KIAA0825: variants seen among roughly 807,000 people sequenced by gnomAD.
KIAA0825 encodes KIAA0825, also known as uncharacterized protein KIAA0825.
A neutral mutation model predicts 147.6 loss-of-function variants in KIAA0825; 119 were observed. The observed-to-expected ratio is 0.81, with a 90% CI of 0.69 to 0.94. KIAA0825 has a LOEUF of 0.94. KIAA0825 is among the 40% of genes least tolerant of loss of function. KIAA0825 has a pLI of 0.00. For synonymous variants in KIAA0825, 470 were observed against 518.1 expected (o/e 0.91, Z 1.26); for missense variants, 1,381 against 1,472.7 (o/e 0.94, Z 1.02).
chr5:94,520,909 C>G lies in KIAA0825; in HGVS notation c.309G>C (p.Leu103Phe), dbSNP rs1306336149. ...CTTCTTGATTTTGTTCATTCTTCAA[C>G]AAATCTTGCTAATGAAATTATAACA... ...LIKFFKTLQD[L>F]LKNEQNQEEM... The change falls in exon 5 of 21, where the codon TTG becomes TTC. Residue 103 changes from leucine to phenylalanine, a missense_variant. By Grantham distance (22) the Leu-to-Phe change is conservative. Transcript: ENST00000682413. 6.3e-7 allele frequency: 1 copy of G among 1,582,142 alleles called. No homozygotes were observed. Among genetic ancestry groups the G allele is most frequent in the Non-Finnish European group, 8.6e-7 (1 of 1,160,780 alleles).
chr5:94,496,504 G>A (rs373316810), intron 5 of KIAA0825, among the ~76,000 whole-genome samples: 3 of 152,202 alleles, frequency 2.0e-5, no homozygotes, highest in Admixed American at 6.5e-5. Flanking sequence ...GGCAGAAACT[G>A]GTTAAAAAGC....
chr5:94,560,168 G>C (rs1777296716), intron 2 of KIAA0825, among the ~76,000 whole-genome samples: 2 of 152,048 alleles, frequency 1.3e-5, no homozygotes, highest in Admixed American at 6.5e-5. Flanking sequence ...GCCATTCTCT[G>C]AGCTGTCATT....
chr5:94,589,462 G>T (rs1444055615), intron 1 of KIAA0825, among the ~76,000 whole-genome samples: 5 of 152,164 alleles, frequency 3.3e-5, no homozygotes, highest in Non-Finnish European at 5.9e-5. Flanking sequence ...AAGAGAGTTA[G>T]GAATTTGACA....
At chr5:94,355,576 A>T (rs1363305401) in intron 20 of KIAA0825, among the ~76,000 whole-genome samples, 1 of 152,180 alleles carries the variant, frequency 6.6e-6, no homozygotes, top group Non-Finnish European at 1.5e-5. Context: ...AGTCCTCAAA[A>T]ATATGATTTG....
intron 12 of KIAA0825, among the ~76,000 whole-genome samples, chr5:94,460,252 T>C: frequency 6.6e-6 from 1 of 152,132 alleles, no homozygotes; most frequent in Admixed American, 6.6e-5. Flanking sequence ...GAATATTTTC[T>C]GTTTCAGCAT....
At chr5:94,473,841 CTATT>C (rs1761517223) in intron 7 of KIAA0825, among the ~76,000 whole-genome samples, 1 of 152,106 alleles carries the variant, frequency 6.6e-6, no homozygotes, top group Non-Finnish European at 1.5e-5. Context: ...GCTACAGTTA[CTATT>C]TATCACATAA....
At chr5:94,271,510 G>A (rs1014503295) in intron 20 of KIAA0825, among the ~76,000 whole-genome samples, 6 of 152,172 alleles carry the variant, frequency 3.9e-5, no homozygotes, top group Non-Finnish European at 8.8e-5. Flanking sequence ...CACTTTGAGA[G>A]GCCAAGGTGG....
intron 20 of KIAA0825, among the ~76,000 whole-genome samples, chr5:94,245,842 C>T (rs1010996668): frequency 3.3e-5 from 5 of 151,996 alleles, no homozygotes; most frequent in African/African-American, 9.7e-5. Context: ...TTGGTGGGTG[C>T]GCGGCGAGGA....
At chr5:94,520,036 A>G (rs1767865681) in intron 5 of KIAA0825, 8 of 1,135,056 alleles carry the variant, frequency 7.0e-6, no homozygotes, top group Non-Finnish European at 8.9e-6. Context: ...TATATTTCCA[A>G]TATCTTTAAC....
intron 5 of KIAA0825, among the ~76,000 whole-genome samples, chr5:94,506,686 T>A (rs1302554966): frequency 1.3e-5 from 2 of 152,212 alleles, no homozygotes; most frequent in African/African-American, 4.8e-5. Flanking sequence ...AATATATATT[T>A]ACAAATGGGG....
chr5:94,499,589 G>GTT (rs953312486), intron 5 of KIAA0825, among the ~76,000 whole-genome samples: 1 of 145,750 alleles, frequency 6.9e-6, no homozygotes, highest in African/African-American at 2.6e-5. Flanking sequence ...CCAATCTGGG[G>GTT]GGGGGGGGGG....
Position 94,520,522 on chromosome 5 carries a change from G to A in KIAA0825, c.696C>T (p.Asn232=), listed in dbSNP as rs926599994. 8 of 1,612,788 alleles carry A rather than the reference G, an allele frequency of 5.0e-6. No individual in the cohort carries two copies. The highest frequency in any genetic ancestry group is 1.3e-5 in the African/African-American group (1 of 74,872). ...CTATTACATCTAAATTTGAATCTCT[G>A]TTGTAAGAAGGAAAGCAGTTCCACA... is the stretch of plus-strand genomic sequence containing the variant. ...NLLWNCFPSY[N]RDSNLDVIAH... The change falls in exon 5 of 21, where the codon AAC becomes AAT. Residue 232 remains asparagine (N), a synonymous_variant. Transcript: ENST00000682413.
chr5:94,310,611 G>C (rs1779075800), intron 20 of KIAA0825, among the ~76,000 whole-genome samples: 1 of 151,574 alleles, frequency 6.6e-6, no homozygotes, highest in Non-Finnish European at 1.5e-5. Context: ...AATAAATAAT[G>C]TGAACATAAA....
chr5:94,506,657 A>T (rs1000656891), intron 5 of KIAA0825, among the ~76,000 whole-genome samples: 2 of 152,230 alleles, frequency 1.3e-5, no homozygotes, highest in African/African-American at 4.8e-5. Context: ...AGACAAAACT[A>T]TTAAATATAC....
intron 11 of KIAA0825, among the ~76,000 whole-genome samples, chr5:94,463,068 A>C: frequency 6.6e-6 from 1 of 151,914 alleles, no homozygotes; most frequent in East Asian, 1.9e-4. Flanking sequence ...TGACAAACGA[A>C]GCTCAAATCG....
At chr5:94,409,932 T>A (rs1752534363) in intron 15 of KIAA0825, among the ~76,000 whole-genome samples, 1 of 152,134 alleles carries the variant, frequency 6.6e-6, no homozygotes. Context: ...ATACTGATAA[T>A]GTCTGGCATC....
At chr5:94,268,293 C>G (rs1776821885) in intron 20 of KIAA0825, among the ~76,000 whole-genome samples, 1 of 152,106 alleles carries the variant, frequency 6.6e-6, no homozygotes, top group East Asian at 1.9e-4. Context: ...TGGAAAGTAG[C>G]CAGTTTACTA....
intron 20 of KIAA0825, among the ~76,000 whole-genome samples, chr5:94,260,343 T>C (rs1257899430): frequency 6.6e-6 from 1 of 152,148 alleles, no homozygotes; most frequent in African/African-American, 2.4e-5. Flanking sequence ...CAAATTTAAA[T>C]CTATTATTAG....
At chr5:94,166,890 A>G (rs1227063371) in intron 20 of KIAA0825, among the ~76,000 whole-genome samples, 1 of 152,160 alleles carries the variant, frequency 6.6e-6, no homozygotes, top group Non-Finnish European at 1.5e-5. Context: ...AAACTATAGA[A>G]TATGATGTTC....
Sources: gnomAD v4.1 joint callset for allele counts (sites outside exome capture counted in the v4.1 genomes callset) on GRCh38, gnomAD v4.1.1 for gene constraint, MANE v1.5 for transcripts, NCBI Gene and HGNC (gene_info 2026-07-23, HGNC 2026-07-21) for gene names.